Variants in CYTH4 observed in about 807,000 individuals in gnomAD.
The protein encoded by CYTH4 is cytohesin 4.
A neutral mutation model predicts 57.5 loss-of-function variants in CYTH4; 22 were observed. That is an observed-to-expected ratio of 0.38 (90% CI 0.27 to 0.55). The LOEUF is 0.55. Among genes scored for constraint, CYTH4 ranks in the 20% least tolerant of loss-of-function variants. The probability of loss-of-function intolerance (pLI) is 0.74; values close to 1 mark genes in which losing one functional copy is unlikely to be tolerated. For missense variants in CYTH4, 420 were observed against 535.6 expected, an observed-to-expected ratio of 0.78 and a Z score of 2.13; for synonymous variants, 186 against 206.5, an observed-to-expected ratio of 0.90 and a Z score of 0.85.
intron 8 of CYTH4, among the ~76,000 whole-genome samples, chr22:37,305,608 G>A (rs1043357047): frequency 3.9e-5 from 6 of 152,174 alleles, no homozygotes; most frequent in South Asian, 2.1e-4. Context: ...AGGCAGCTGC[G>A]TGGATGTGGG....
intron 4 of CYTH4, among the ~76,000 whole-genome samples, chr22:37,297,274 A>G (rs1253736488): frequency 6.6e-6 from 1 of 152,194 alleles, no homozygotes; most frequent in Non-Finnish European, 1.5e-5. Context: ...GAGTCACTGA[A>G]GCATATAATC....
At chr22:37,302,822 A>G (rs758249936) in intron 7 of CYTH4, among the ~76,000 whole-genome samples, 2 of 152,200 alleles carry the variant, frequency 1.3e-5, no homozygotes, top group Non-Finnish European at 2.9e-5. Flanking sequence ...GCAAGATTAC[A>G]GAGCAGCAGT....
At chr22:37,286,455 G>C (rs8136022) in intron 1 of CYTH4, among the ~76,000 whole-genome samples, 5,077 of 152,238 alleles carry the variant, frequency 0.033, 115 homozygotes, top group Middle Eastern at 0.051. Context: ...AGGGCCTGGC[G>C]CACCATGGGT....
In CYTH4 at chr22:37,312,045, G is replaced by A; in HGVS notation, c.983G>A (p.Ser328Asn). 6.2e-7 allele frequency: 1 copy of A among 1,614,114 alleles called. No homozygotes were observed. The highest frequency in any genetic ancestry group is 8.5e-7 in the Non-Finnish European group (1 of 1,180,008). The change falls in exon 12 of 13, where the codon AGC (serine) becomes AAC (asparagine). Residue 328 changes from serine (S) to asparagine (N), a missense_variant. Ser to Asn is a conservative substitution (Grantham distance 46). Coordinates refer to ENST00000248901, the MANE Select transcript of CYTH4 (RefSeq NM_013385.5). ...KPFCLELYNP[S>N]CRGQKIKACK... ...TTCTGCCTGGAGCTCTACAACCCTA[G>A]CTGCCGAGGCCAGAAAATCAAGGCC...
intron 7 of CYTH4, 141 bp downstream of exon 7, chr22:37,301,160 G>GT (rs1411167799): frequency 3.0e-6 from 2 of 661,414 alleles, no homozygotes; most frequent in African/African-American, 3.6e-5. Flanking sequence ...ACTGAGCACT[G>GT]ACTTCATTGC....
In CYTH4 at chr22:37,313,992, G is replaced by T. The variant is rs1929752896; in HGVS notation, c.*481G>T. 2 of 254,856 alleles carry T rather than the reference G, an allele frequency of 7.8e-6. No homozygotes were observed. The highest frequency in any genetic ancestry group is 2.2e-5 in the African/African-American group (1 of 45,292). 15.8% of individuals were successfully genotyped at this position (254,856 alleles called of 1,614,324 possible). A position where few individuals can be genotyped will look rare whatever the true frequency, so the allele number is the denominator to read the frequency against. ...AACCCCTCCCCTGTCCTCGGGTTGG[G>T]CTTGGCCCTCTCTGCCTGAGAGAGC... On this transcript the variant is annotated 3_prime_UTR_variant, in exon 13 of 13. Coordinates refer to ENST00000248901, the MANE Select transcript of CYTH4 (RefSeq NM_013385.5).
intron 8 of CYTH4, among the ~76,000 whole-genome samples, chr22:37,304,932 G>T (rs901880085): frequency 5.9e-5 from 9 of 152,272 alleles, no homozygotes; most frequent in Non-Finnish European, 8.8e-5. Context: ...TGCCTCCTGC[G>T]TGGCTCCCCA....
Position 37,314,384 on chromosome 22 carries a change from TC to T in CYTH4, c.*876del, listed in dbSNP as rs1267477840. 1.0e-5 allele frequency: 4 copies of T among 398,474 alleles called. No homozygotes were observed. The East Asian group carries it at 1.4e-4, about 14-fold the overall frequency. 24.7% of individuals were successfully genotyped at this position (398,474 alleles called of 1,614,324 possible). A position where few individuals can be genotyped will look rare whatever the true frequency, so the allele number is the denominator to read the frequency against. On this transcript the variant is annotated 3_prime_UTR_variant, in exon 13 of 13. Coordinates refer to ENST00000248901, the MANE Select transcript of CYTH4 (RefSeq NM_013385.5). ...ACCCTCAAGAAAATGACGGAGAACA[TC>T]CCAGACAGATGGGACTCAAGCAGGA...
In CYTH4 at chr22:37,311,975, C is replaced by G. The variant is rs1271161350; in HGVS notation, c.958-45C>G. 6.3e-7 allele frequency: 1 copy of G among 1,596,170 alleles called. No individual in the cohort carries two copies. Among genetic ancestry groups the G allele is most frequent in the Non-Finnish European group, 8.6e-7 (1 of 1,168,278 alleles). ...TCTCTGAGCCTCCTGGAGGGCCCACCCAGCCTCCCTCTCTTCCCACCCTTG... is the reference window on the plus strand; with the variant it reads ...TCTCTGAGCCTCCTGGAGGGCCCACGCAGCCTCCCTCTCTTCCCACCCTTG... On this transcript the variant is annotated intron_variant, in intron 11 of 12. Coordinates refer to ENST00000248901, the MANE Select transcript of CYTH4 (RefSeq NM_013385.5). The surrounding 1 kb of genome is among the most constrained non-coding windows in gnomAD (Gnocchi z 4.4).
intron 2 of CYTH4, among the ~76,000 whole-genome samples, chr22:37,293,953 C>T (rs994512732): frequency 6.6e-6 from 1 of 151,648 alleles, no homozygotes; most frequent in African/African-American, 2.4e-5. Flanking sequence ...GGAAAGAGGG[C>T]CTAGGCTGCC....
Position 37,296,032 on chromosome 22 carries a change from T to C in CYTH4, c.201T>C (p.Ile67=), listed in dbSNP as rs1242848429. ...CCCAGAAGGAGAAGGAGCTGTGTAT[T>C]GGGCGCAAGAAGTTCAACATGGACC... ...RMAQKEKELC[I]GRKKFNMDPA... is the part of the protein sequence containing the mutation. Residue 67 remains isoleucine, a synonymous_variant, in exon 4 of 13, where the codon ATT becomes ATC. Transcript: ENST00000248901. 4.3e-6 allele frequency: 7 copies of C among 1,613,346 alleles called. 1 individual carries two copies. In the South Asian group the frequency reaches 6.6e-5, roughly 15 times the overall value.
At position 37,295,908 on chromosome 22, in the gene CYTH4, A is replaced by G; in HGVS notation, c.168-91A>G. On this transcript the variant is annotated intron_variant, in intron 3 of 12. Transcript: ENST00000248901. The surrounding 1 kb of genome is among the most constrained non-coding windows in gnomAD (Gnocchi z 4.1). Reference sequence around the variant, plus strand: ...CACACTTGGAGGGCCCTAGAGGGGTATGGGCTCCTGCTGAGGCAAGGGTCC... The same window carrying G: ...CACACTTGGAGGGCCCTAGAGGGGTGTGGGCTCCTGCTGAGGCAAGGGTCC... 3 of 1,370,570 alleles carry G rather than the reference A, an allele frequency of 2.2e-6. No individual in the cohort carries two copies. The highest frequency in any genetic ancestry group is 1.8e-4 in the Middle Eastern group (1 of 5,626). 84.9% of individuals were successfully genotyped at this position (1,370,570 alleles called of 1,614,324 possible).
chr22:37,297,556 C>A lies in CYTH4; in HGVS notation c.235-8C>A, dbSNP rs369277828. The A allele has an allele frequency of 4.9e-5, 79 of 1,612,396 alleles. No homozygotes were observed. The highest frequency in any genetic ancestry group is 6.5e-5 in the Non-Finnish European group (77 of 1,178,914). On this transcript the variant is annotated splice_polypyrimidine_tract_variant and splice_region_variant and intron_variant, in intron 4 of 12. Coordinates refer to ENST00000248901, the MANE Select transcript of CYTH4 (RefSeq NM_013385.5). Reference sequence around the variant, plus strand: ...CAGCTGCTCACGGCTTCTGTGTACCCCCTCCAGGGTATCCAGTATTTCATT... The same window carrying A: ...CAGCTGCTCACGGCTTCTGTGTACCACCTCCAGGGTATCCAGTATTTCATT...
chr22:37,286,194 C>T (rs184250258), intron 1 of CYTH4, among the ~76,000 whole-genome samples: 2 of 152,184 alleles, frequency 1.3e-5, no homozygotes, highest in Non-Finnish European at 2.9e-5. Flanking sequence ...TAGCGTCCGA[C>T]GGGTGTTTGA....
At position 37,295,391 on chromosome 22, in the gene CYTH4, C is replaced by CGCATGCACACACACAA. The variant is rs1928919397; in HGVS notation, c.168-593_168-592insAGCATGCACACACACA. Among the ~76,000 whole-genome samples the CGCATGCACACACACAA allele has an allele frequency of 1.3e-5, 2 of 149,820 alleles. No homozygotes were observed. Among genetic ancestry groups the CGCATGCACACACACAA allele is most frequent in the African/African-American group, 5.1e-5 (2 of 39,562 alleles). ...CACCACACACATGCACACACACACA[C>CGCATGCACACACACAA]GCATGCACACACACACAAGCATGCA... On this transcript the variant is annotated intron_variant, in intron 3 of 12. Coordinates refer to ENST00000248901, the MANE Select transcript of CYTH4 (RefSeq NM_013385.5). This position sits in a 1 kb window ranked among gnomAD's most constrained non-coding sequence, Gnocchi z 4.1.
Position 37,295,198 on chromosome 22 carries a change from TG to T in CYTH4, c.167+475del, listed in dbSNP as rs777476167. 1.7e-4 allele frequency among the ~76,000 whole-genome samples: 26 copies of T among 152,250 alleles called. No homozygotes were observed. The highest frequency in any genetic ancestry group is 2.9e-4 in the Non-Finnish European group (20 of 67,998). On this transcript the variant is annotated intron_variant, in intron 3 of 12. Transcript: ENST00000248901. This position sits in a 1 kb window ranked among gnomAD's most constrained non-coding sequence, Gnocchi z 4.1. ...CTATTTTGTGATCTGGGACAGATCCTGTCCCTCTCTGGGTCTCAGTTTCCCC... is the reference window on the plus strand; with the variant it reads ...CTATTTTGTGATCTGGGACAGATCCTTCCCTCTCTGGGTCTCAGTTTCCCC...
intron 1 of CYTH4, among the ~76,000 whole-genome samples, chr22:37,291,769 T>A (rs1380247281): frequency 6.6e-6 from 1 of 152,194 alleles, no homozygotes; most frequent in Non-Finnish European, 1.5e-5. Flanking sequence ...GAAGCCACCA[T>A]GAAGCATGAA....
intron 8 of CYTH4, chr22:37,304,399 G>A: frequency 2.5e-6 from 1 of 394,914 alleles, no homozygotes; most frequent in Non-Finnish European, 5.1e-6. Context: ...GAGCCAGGGG[G>A]TATTCATAAG....
chr22:37,301,010 C>T lies in CYTH4; in HGVS notation c.538C>T (p.Gln180Ter), dbSNP rs1326726735. ...RYCLCNPGVFQSTDTCYVLSF... is the reference protein window; with the variant it reads ...RYCLCNPGVF Reference sequence around the variant, plus strand: ...CTGCCTCTGCAACCCAGGCGTCTTCCAGTCCACAGGTGCCAGGAGGGGAGT... The same window carrying T: ...CTGCCTCTGCAACCCAGGCGTCTTCTAGTCCACAGGTGCCAGGAGGGGAGT... Residue 180 changes from glutamine (Q) to a stop codon, truncating the protein, a stop_gained, in exon 7 of 13, where the codon CAG (glutamine) becomes TAG (stop). Transcript: ENST00000248901. LOFTEE classifies it high-confidence loss of function. 1.9e-6 allele frequency: 3 copies of T among 1,614,008 alleles called. No individual in the cohort carries two copies. Among genetic ancestry groups the T allele is most frequent in the Non-Finnish European group, 2.5e-6 (3 of 1,179,910 alleles).
Sources: allele counts gnomAD v4.1 joint callset (sites outside exome capture counted in the v4.1 genomes callset), GRCh38; gene constraint gnomAD v4.1.1; non-coding constraint Gnocchi (gnomAD v3.1); transcripts MANE v1.5; gene names NCBI Gene and HGNC (gene_info 2026-07-23, HGNC 2026-07-21).